The following LTBP1 variants were observed in gnomAD, a reference collection of about 807,000 sequenced individuals.
LTBP1 encodes the protein latent transforming growth factor beta binding protein 1, also known as latent-transforming growth factor beta-binding protein 1.
In LTBP1, 129 loss-of-function variants were observed where a neutral mutation model predicts 207.6. The observed-to-expected ratio is 0.62, with a 90% confidence interval of 0.54 to 0.72. The LOEUF is 0.72. Ranked by LOEUF, LTBP1 falls within the 30% of genes least tolerant of loss-of-function variation. LTBP1 has a pLI of 0.00. For missense variants in LTBP1, 2,281 were observed against 2,217.2 expected, an observed-to-expected ratio of 1.03 and a Z score of -0.58; for synonymous variants, 963 against 833.7, an observed-to-expected ratio of 1.16 and a Z score of -2.67.
chr2:33,201,694 T>C (rs1417030697), intron 7 of LTBP1, among the ~76,000 whole-genome samples: 1 of 152,132 alleles, frequency 6.6e-6, no homozygotes, highest in Non-Finnish European at 1.5e-5. Context: ...TTTATACATA[T>C]TCTACAGAAG....
chr2:33,302,625 C>G (rs1474698047), intron 22 of LTBP1, among the ~76,000 whole-genome samples: 1 of 152,118 alleles, frequency 6.6e-6, no homozygotes, highest in Admixed American at 6.6e-5. Context: ...AATGACCCAA[C>G]CCTCGGGAAG....
At chr2:32,990,544 A>C (rs1326761102) in intron 2 of LTBP1, among the ~76,000 whole-genome samples, 1 of 152,210 alleles carries the variant, frequency 6.6e-6, no homozygotes, top group East Asian at 1.9e-4. Flanking sequence ...TACGTTGTTT[A>C]CATGAAAACT....
rs139355375 is a variant in LTBP1, at chr2:33,054,542, C to G, written c.863+33336C>G. ...TCCAGCCTTGGCTAATATATCCCTCCCTAATAAGGTGTGGGACTTACAGGC... is the reference window on the plus strand; with the variant it reads ...TCCAGCCTTGGCTAATATATCCCTCGCTAATAAGGTGTGGGACTTACAGGC... On this transcript the variant is annotated intron_variant, in intron 3 of 33. Transcript: ENST00000404816. 5.1e-4 allele frequency among the ~76,000 whole-genome samples: 77 copies of G among 152,254 alleles called. 1 individual carries two copies. The East Asian group carries it at 0.011, about 21-fold the overall frequency.
chr2:33,360,602 G>A lies in LTBP1; in HGVS notation c.4006G>A (p.Asp1336Asn), dbSNP rs1363963010. The change falls in exon 27 of 34, where the codon GAT (aspartate) becomes AAT (asparagine). Residue 1336 changes from aspartate to asparagine, a missense_variant. Around this residue, in one of 3 missense-constraint regions of LTBP1, gnomAD observed 1,671 missense variants for 1,634.8 expected, o/e 1.02. Transcript: ENST00000404816. ...QCRSRTSTDL[D>N]VDVDQPKEEK... The stretch of plus-strand genomic sequence containing the variant: ...ACTTTCTCTACTCCATTTAGATTTA[G>A]ATGTAGATGTAGATCAACCCAAAGA... The A allele has an allele frequency of 1.9e-6, 3 of 1,608,992 alleles. No individual in the cohort carries two copies. The African/African-American group carries it at 4.0e-5, about 22-fold the overall frequency.
chr2:33,038,519 G>C (rs2149382728), intron 3 of LTBP1, among the ~76,000 whole-genome samples: 1 of 152,266 alleles, frequency 6.6e-6, no homozygotes, highest in East Asian at 1.9e-4. Flanking sequence ...GGTCGTTCCT[G>C]GCCTGTGAAG....
intron 24 of LTBP1, among the ~76,000 whole-genome samples, chr2:33,323,185 A>G (rs758205869): frequency 3.7e-4 from 56 of 152,206 alleles, no homozygotes; most frequent in Non-Finnish European, 6.2e-4. Context: ...ACACTAGCCT[A>G]TAGTTAGGCA....
intron 24 of LTBP1, among the ~76,000 whole-genome samples, chr2:33,341,117 C>T (rs562919627): frequency 0.023 from 3,530 of 152,108 alleles, 69 homozygotes; most frequent in Non-Finnish European, 0.037. Context: ...ACTGTTAAGT[C>T]CAGGGCAGAG....
chr2:33,263,310 A>G lies in LTBP1; in HGVS notation c.2535A>G (p.Thr845=). The G allele has an allele frequency of 6.2e-7, 1 of 1,613,136 alleles. No individual in the cohort carries two copies. The highest frequency in any genetic ancestry group is 1.1e-5 in the South Asian group (1 of 91,052). ...HPQFPVVIEK[T]SPPVPVEVAP... ...CTCATATAGTAGTGATTGAAAAAAC[A>G]TCACCTCCTGTGCCTGTTGAAGTAG... The change falls in exon 15 of 34, where the codon ACA becomes ACG. Residue 845 remains threonine (T), a synonymous_variant. Coordinates refer to ENST00000404816, the MANE Select transcript of LTBP1 (RefSeq NM_206943.4).
At chr2:33,166,066 T>TG (rs753747308) in intron 5 of LTBP1, among the ~76,000 whole-genome samples, 174 of 110,032 alleles carry the variant, frequency 1.6e-3, no homozygotes, top group African/African-American at 6.0e-3. Context: ...GAGTAATGTA[T>TG]GTTTTTTTTT....
intron 9 of LTBP1, among the ~76,000 whole-genome samples, chr2:33,222,542 C>T (rs992103931): frequency 2.6e-5 from 4 of 152,196 alleles, no homozygotes; most frequent in African/African-American, 9.6e-5. Context: ...CAACAGAATT[C>T]CCTTTTCTCC....
chr2:32,975,994 A>G (rs978479516), intron 2 of LTBP1, among the ~76,000 whole-genome samples: 1 of 152,144 alleles, frequency 6.6e-6, no homozygotes, highest in African/African-American at 2.4e-5. Context: ...TTGAACTGCC[A>G]GAGTTCTTGT....
At chr2:33,136,675 C>G (rs1572801055) in intron 5 of LTBP1, among the ~76,000 whole-genome samples, 1 of 152,024 alleles carries the variant, frequency 6.6e-6, no homozygotes, top group African/African-American at 2.4e-5. Context: ...ACAAAATAAT[C>G]AAATGGGTGG....
rs566861603 is a variant in LTBP1, at chr2:32,999,556, C to A, written c.566-21353C>A. Among the ~76,000 whole-genome samples, 2 of 134,184 alleles carry A rather than the reference C, an allele frequency of 1.5e-5. 1 individual carries two copies. Among genetic ancestry groups the A allele is most frequent in the South Asian group, 5.2e-4 (2 of 3,818 alleles). 88.0% of individuals were successfully genotyped at this position (134,184 alleles called of 152,430 possible). On this transcript the variant is annotated intron_variant, in intron 2 of 33. Coordinates refer to ENST00000404816, the MANE Select transcript of LTBP1 (RefSeq NM_206943.4). ...ACCATCCCAGAATGTGACCCCACAC[C>A]CAGGCTCCAGGAGGGAAGGCTCAAG... is the stretch of plus-strand genomic sequence containing the variant.
chr2:33,330,835 T>C, intron 24 of LTBP1, among the ~76,000 whole-genome samples: 1 of 151,084 alleles, frequency 6.6e-6, no homozygotes, highest in East Asian at 1.9e-4. Flanking sequence ...AAAAAAATCC[T>C]TGAAGAATTC....
At chr2:33,395,960 T>A (rs538290446) in intron 32 of LTBP1, among the ~76,000 whole-genome samples, 1 of 151,548 alleles carries the variant, frequency 6.6e-6, no homozygotes, top group African/African-American at 2.4e-5. Flanking sequence ...AGACAGGAGA[T>A]GAGAGGCCAC....
At chr2:33,053,947 C>A (rs1013131907) in intron 3 of LTBP1, among the ~76,000 whole-genome samples, 2 of 152,156 alleles carry the variant, frequency 1.3e-5, no homozygotes, top group Non-Finnish European at 2.9e-5. Flanking sequence ...AGTGCCTGAC[C>A]AAATAACAGG....
At position 33,190,997 on chromosome 2, in the gene LTBP1, C is replaced by T. The variant is rs139402566; in HGVS notation, c.1701+2146C>T. Among the ~76,000 whole-genome samples, 245 of 152,316 alleles carry T rather than the reference C, an allele frequency of 1.6e-3. 2 individuals carry two copies. The highest frequency in any genetic ancestry group is 5.7e-3 in the African/African-American group (236 of 41,564). ...TGGGGCTGAAGATAAACTTTATACA[C>T]TTCACAGCTTTGCACTGAACTAGTC... On this transcript the variant is annotated intron_variant, in intron 7 of 33. Coordinates refer to ENST00000404816, the MANE Select transcript of LTBP1 (RefSeq NM_206943.4).
At chr2:33,183,058 G>A (rs1022316455) in intron 5 of LTBP1, among the ~76,000 whole-genome samples, 4 of 152,222 alleles carry the variant, frequency 2.6e-5, no homozygotes, top group East Asian at 3.9e-4. Context: ...TATAACTGAT[G>A]ATATAGAGTA....
chr2:33,073,257 T>G (rs1049702567), intron 3 of LTBP1, among the ~76,000 whole-genome samples: 1 of 149,884 alleles, frequency 6.7e-6, no homozygotes, highest in Admixed American at 6.8e-5. Context: ...TTGTATGTAA[T>G]CACAGAATGA....
Sources: gnomAD v4.1 joint callset for allele counts (sites outside exome capture counted in the v4.1 genomes callset) on GRCh38, gnomAD v4.1.1 for gene constraint, gnomAD v4.1.1 regional missense constraint, MANE v1.5 for transcripts, NCBI Gene and HGNC (gene_info 2026-07-23, HGNC 2026-07-21) for gene names.